The following THSD7A variants were observed in gnomAD, a reference collection of about 807,000 sequenced individuals.
THSD7A encodes thrombospondin type-1 domain-containing protein 7A.
In THSD7A, 96 loss-of-function variants were observed where a neutral mutation model predicts 231.3. The observed-to-expected ratio is 0.41, with a 90% confidence interval of 0.35 to 0.49. The LOEUF is 0.49. Ranked by LOEUF, THSD7A falls within the 20% of genes least tolerant of loss-of-function variation. The pLI, the probability that THSD7A is intolerant of heterozygous loss-of-function variation, is 0.05. For synonymous variants in THSD7A, 940 were observed against 743.3 expected (o/e 1.26, Z -4.30); for missense variants, 2,290 against 2,070.2 (o/e 1.11, Z -2.06).
intron 1 of THSD7A, among the ~76,000 whole-genome samples, chr7:11,682,072 C>A (rs1455377233): frequency 6.6e-6 from 1 of 151,918 alleles, no homozygotes; most frequent in Non-Finnish European, 1.5e-5. Context: ...AGTTTGTTAC[C>A]ATCAGACCAA....
intron 1 of THSD7A, among the ~76,000 whole-genome samples, chr7:11,743,322 A>T (rs1782173041): frequency 6.6e-6 from 1 of 151,900 alleles, no homozygotes; most frequent in African/African-American, 2.4e-5. Flanking sequence ...TAAAACTGAA[A>T]TGTATAGCAA....
chr7:11,708,158 T>C (rs1166412444), intron 1 of THSD7A, among the ~76,000 whole-genome samples: 1 of 150,786 alleles, frequency 6.6e-6, no homozygotes, highest in East Asian at 2.0e-4. Context: ...GCAAATATTT[T>C]ATGTATTGCA....
intron 1 of THSD7A, among the ~76,000 whole-genome samples, chr7:11,648,514 C>T (rs946598810): frequency 6.6e-6 from 1 of 151,780 alleles, no homozygotes; most frequent in East Asian, 1.9e-4. Context: ...TATGTCTTAC[C>T]AAATACTTTA....
In THSD7A at chr7:11,406,274, T is replaced by C; in HGVS notation, c.4237+26A>G. The C allele has an allele frequency of 6.3e-7, 1 of 1,582,588 alleles. No homozygotes were observed. Among genetic ancestry groups the C allele is most frequent in the Non-Finnish European group, 8.6e-7 (1 of 1,166,076 alleles). Reference sequence around the variant, plus strand: ...TTGTCCTAGGAAAAAATAATCAGAATATGAATTCTCCTTTGCCGTTGTTAC... The same window carrying C: ...TTGTCCTAGGAAAAAATAATCAGAACATGAATTCTCCTTTGCCGTTGTTAC... On this transcript the variant is annotated intron_variant, in intron 22 of 27. Transcript: ENST00000423059. The surrounding 1 kb of genome is among the most constrained non-coding windows in gnomAD (Gnocchi z 4.7).
At chr7:11,667,653 G>A (rs2128376385) in intron 1 of THSD7A, among the ~76,000 whole-genome samples, 1 of 151,940 alleles carries the variant, frequency 6.6e-6, no homozygotes, top group South Asian at 2.1e-4. Flanking sequence ...GTTCTTTTTG[G>A]GCCCACTGTT....
intron 1 of THSD7A, among the ~76,000 whole-genome samples, chr7:11,788,988 T>A (rs925622307): frequency 1.3e-5 from 2 of 151,704 alleles, no homozygotes; most frequent in African/African-American, 4.8e-5. Flanking sequence ...ACAAATGTAA[T>A]GAGGGAATAC....
chr7:11,668,852 G>A (rs541794819), intron 1 of THSD7A, among the ~76,000 whole-genome samples: 3 of 152,116 alleles, frequency 2.0e-5, no homozygotes, highest in Non-Finnish European at 2.9e-5. Flanking sequence ...GAGGCTGGGC[G>A]CTACTGGTTA....
intron 11 of THSD7A, among the ~76,000 whole-genome samples, chr7:11,457,360 TGTTAGA>T (rs10570445): frequency 0.052 from 7,903 of 152,166 alleles, 629 homozygotes; most frequent in African/African-American, 0.18. Context: ...AAATTAAAAA[TGTTAGA>T]GTTAAAGAGT....
intron 22 of THSD7A, among the ~76,000 whole-genome samples, chr7:11,405,462 G>C (rs139754795): frequency 3.9e-4 from 60 of 152,140 alleles, no homozygotes; most frequent in African/African-American, 1.4e-3. Flanking sequence ...TCCACTTGGG[G>C]ATAAAATACA....
intron 1 of THSD7A, among the ~76,000 whole-genome samples, chr7:11,780,197 C>A (rs1783578971): frequency 1.3e-5 from 2 of 152,180 alleles, no homozygotes; most frequent in East Asian, 1.9e-4. Context: ...TAATCGTATT[C>A]ATGAGGGCTC....
intron 1 of THSD7A, among the ~76,000 whole-genome samples, chr7:11,713,665 C>T (rs545535519): frequency 1.8e-4 from 27 of 151,112 alleles, no homozygotes; most frequent in Non-Finnish European, 3.6e-4. Flanking sequence ...GAGTGGACCT[C>T]AATCTTTATT....
intron 1 of THSD7A, among the ~76,000 whole-genome samples, chr7:11,762,796 A>G (rs1447589518): frequency 1.3e-5 from 2 of 151,700 alleles, no homozygotes; most frequent in Admixed American, 6.6e-5. Flanking sequence ...TTCATGAAAA[A>G]AATTATAGAT....
intron 4 of THSD7A, among the ~76,000 whole-genome samples, chr7:11,582,140 T>C (rs1791192755): frequency 6.6e-6 from 1 of 152,068 alleles, no homozygotes; most frequent in African/African-American, 2.4e-5. Flanking sequence ...TTTTTTCTTA[T>C]TTAGTACTTC....
Position 11,468,251 on chromosome 7 carries a change from A to G in THSD7A, c.2368+1628T>C, listed in dbSNP as rs529466590. Among the ~76,000 whole-genome samples, 22 of 152,244 alleles carry G rather than the reference A, an allele frequency of 1.4e-4. No individual in the cohort carries two copies. The South Asian group carries it at 2.9e-3, about 20-fold the overall frequency. On this transcript the variant is annotated intron_variant, in intron 9 of 27. Coordinates refer to ENST00000423059, the MANE Select transcript of THSD7A (RefSeq NM_015204.3). The stretch of plus-strand genomic sequence containing the variant: ...CAAGAACAAAATTTGTAAGTGTATT[A>G]ATTCTATGTAATTAATGCTTTTTAA...
chr7:11,390,788 C>G lies in THSD7A; in HGVS notation c.4412-8172G>C, dbSNP rs141440562. Among the ~76,000 whole-genome samples the G allele has an allele frequency of 5.8e-3, 887 of 152,254 alleles. 10 individuals carry two copies. The highest frequency in any genetic ancestry group is 0.026 in the East Asian group (133 of 5,180). ...CGGATGGGGTCTCTGAGTGGACGTC[C>G]TTTCTTATTGATGTTAATGCTATTC... On this transcript the variant is annotated intron_variant, in intron 23 of 27. Coordinates refer to ENST00000423059, the MANE Select transcript of THSD7A (RefSeq NM_015204.3).
At chr7:11,721,559 A>G (rs1781353895) in intron 1 of THSD7A, among the ~76,000 whole-genome samples, 1 of 151,730 alleles carries the variant, frequency 6.6e-6, no homozygotes. Flanking sequence ...TAAGTTACCT[A>G]GTCTCAGGTA....
chr7:11,659,807 G>A (rs1219049227), intron 1 of THSD7A, among the ~76,000 whole-genome samples: 3 of 151,420 alleles, frequency 2.0e-5, no homozygotes, highest in Admixed American at 2.0e-4. Context: ...CTCTTCCAAT[G>A]AGCACACTAC....
chr7:11,673,475 A>C (rs1192437124), intron 1 of THSD7A, among the ~76,000 whole-genome samples: 1 of 152,112 alleles, frequency 6.6e-6, no homozygotes, highest in Non-Finnish European at 1.5e-5. Context: ...CAGGCTTGGA[A>C]ATTGCAGGGA....
intron 6 of THSD7A, among the ~76,000 whole-genome samples, chr7:11,512,907 C>T (rs1787874019): frequency 8.4e-6 from 1 of 119,014 alleles, no homozygotes; most frequent in Non-Finnish European, 1.7e-5. Context: ...TGCACATATA[C>T]CCTAGAACTT....
Sources: gnomAD v4.1 joint callset for allele counts (sites outside exome capture counted in the v4.1 genomes callset) on GRCh38, gnomAD v4.1.1 for gene constraint, Gnocchi (gnomAD v3.1) non-coding constraint, MANE v1.5 for transcripts, NCBI Gene and HGNC (gene_info 2026-07-23, HGNC 2026-07-21) for gene names.